OPRD1: variants seen among roughly 807,000 people sequenced by gnomAD.
OPRD1 encodes the protein delta-type opioid receptor.
Under a neutral mutation model 17.5 loss-of-function variants are expected in OPRD1, and 19 were observed. That is an observed-to-expected ratio of 1.09 (90% CI 0.76 to 1.60). OPRD1 has a LOEUF of 1.60. OPRD1 is among the 40% of genes most tolerant of loss of function. The pLI is 0.00. For missense variants in OPRD1, 483 were observed against 547.2 expected (o/e 0.88, Z 1.17); for synonymous variants, 256 against 240.9 (o/e 1.06, Z -0.58).
chr1:28,859,235 T>C lies in OPRD1; in HGVS notation c.509T>C (p.Ile170Thr). Reference sequence around the variant, plus strand: ...CCTGCCAAGGCCAAGCTGATCAACATCTGTATCTGGGTCCTGGCCTCAGGC... The same window carrying C: ...CCTGCCAAGGCCAAGCTGATCAACACCTGTATCTGGGTCCTGGCCTCAGGC... ...RTPAKAKLIN[I>T]CIWVLASGVG... Residue 170 changes from isoleucine to threonine, a missense_variant, in exon 2 of 3, where the codon ATC becomes ACC. Physicochemically the swap from Ile to Thr is moderately conservative, Grantham distance 89 (BLOSUM62 -1). Coordinates refer to ENST00000234961, the MANE Select transcript of OPRD1 (RefSeq NM_000911.4). 6.2e-7 allele frequency: 1 copy of C among 1,614,218 alleles called. No homozygotes were observed. Among genetic ancestry groups the C allele is most frequent in the Non-Finnish European group, 8.5e-7 (1 of 1,180,040 alleles).
intron 1 of OPRD1, among the ~76,000 whole-genome samples, chr1:28,814,856 G>A (rs1178434190): frequency 2.0e-5 from 3 of 152,146 alleles, no homozygotes; most frequent in Non-Finnish European, 2.9e-5. Context: ...TTGTATCTCT[G>A]GGTCTGAATG....
Position 28,863,750 on chromosome 1 carries a change from A to T in OPRD1, c.*467A>T, listed in dbSNP as rs2089148104. 6.3e-6 allele frequency: 1 copy of T among 157,984 alleles called. No individual in the cohort carries two copies. Among genetic ancestry groups the T allele is most frequent in the Admixed American group, 6.5e-5 (1 of 15,468 alleles). The allele number at this position is 157,984 out of a possible 1,614,324, so 9.8% of individuals were successfully genotyped here. A position where few individuals can be genotyped will look rare whatever the true frequency, so the allele number is the denominator to read the frequency against. On this transcript the variant is annotated 3_prime_UTR_variant, in exon 3 of 3. Transcript: ENST00000234961. Reference sequence around the variant, plus strand: ...AGTTGCTTGAAAACTGAGCTGCAAGACTGGGCCTCTGTGTAGTAGGGAGGA... The same window carrying T: ...AGTTGCTTGAAAACTGAGCTGCAAGTCTGGGCCTCTGTGTAGTAGGGAGGA...
At chr1:28,846,691 A>G (rs1462291958) in intron 1 of OPRD1, among the ~76,000 whole-genome samples, 1 of 45,994 alleles carries the variant, frequency 2.2e-5, no homozygotes, top group East Asian at 1.2e-3. Context: ...TCAAAAAAAG[A>G]AAAAAAAAAA....
intron 2 of OPRD1, 94 bp downstream of exon 2, chr1:28,859,397 G>A: frequency 9.3e-7 from 1 of 1,071,686 alleles, no homozygotes; most frequent in Non-Finnish European, 1.3e-6. Context: ...CAGGGTGAGT[G>A]TAGGTGGCTC....
intron 1 of OPRD1, among the ~76,000 whole-genome samples, chr1:28,836,016 A>G (rs895877163): frequency 3.3e-5 from 5 of 152,154 alleles, no homozygotes; most frequent in African/African-American, 1.2e-4. Flanking sequence ...GCGCTCGTAA[A>G]CGCTCTACCC....
intron 1 of OPRD1, among the ~76,000 whole-genome samples, chr1:28,856,052 C>G (rs1168828552): frequency 6.6e-6 from 1 of 152,172 alleles, no homozygotes; most frequent in Non-Finnish European, 1.5e-5. Flanking sequence ...GTGCCTCGTC[C>G]TAGGTGTCCA....
At chr1:28,847,423 T>C (rs1256656387) in intron 1 of OPRD1, among the ~76,000 whole-genome samples, 1 of 152,132 alleles carries the variant, frequency 6.6e-6, no homozygotes, top group East Asian at 1.9e-4. Context: ...CAGCCCAAAT[T>C]GACATGAGTG....
chr1:28,819,267 A>AAG (rs2088693291), intron 1 of OPRD1, among the ~76,000 whole-genome samples: 1 of 151,712 alleles, frequency 6.6e-6, no homozygotes, highest in Non-Finnish European at 1.5e-5. Context: ...ACTGGACAAC[A>AAG]TAGCAAGACC....
intron 1 of OPRD1, among the ~76,000 whole-genome samples, chr1:28,855,717 C>T (rs1387165701): frequency 6.6e-6 from 1 of 152,228 alleles, no homozygotes; most frequent in Non-Finnish European, 1.5e-5. Flanking sequence ...ATCAAAATAG[C>T]AGGCAAAGAA....
At chr1:28,862,679 T>TG (rs1257943238) in intron 2 of OPRD1, 63 bp from the exon 3 acceptor site, 1 of 1,498,054 alleles carries the variant, frequency 6.7e-7, no homozygotes, top group Admixed American at 2.2e-5. Context: ...GGCAAGCAGG[T>TG]GGGGGCCCCT....
intron 1 of OPRD1, among the ~76,000 whole-genome samples, chr1:28,846,928 TCTTC>T (rs58708543): frequency 4.2e-4 from 62 of 148,630 alleles, no homozygotes; most frequent in East Asian, 9.8e-4. Context: ...TCTTTCTTTT[TCTTC>T]CTTCCTTCCT....
intron 1 of OPRD1, among the ~76,000 whole-genome samples, chr1:28,841,979 C>T (rs2088900187): frequency 6.6e-6 from 1 of 151,818 alleles, no homozygotes. Context: ...CCACCTCAGC[C>T]TCCCAAAGTG....
rs1363308685 is a variant in OPRD1 at position 28,870,673 on chromosome 1, C to T, written c.*7390C>T. 3.3e-5 allele frequency: 5 copies of T among 152,242 alleles called. No homozygotes were observed. Among genetic ancestry groups the T allele is most frequent in the African/African-American group, 9.7e-5 (4 of 41,442 alleles). The allele number at this position is 152,242 out of a possible 1,614,324, so 9.4% of individuals were successfully genotyped here. A position where few individuals can be genotyped will look rare whatever the true frequency, so the allele number is the denominator to read the frequency against. The stretch of plus-strand genomic sequence containing the variant: ...TCTTAAGAGGACATCTTTTCCCAAG[C>T]TCCTTAGCCTTAGCTGTCCTCTCCT... On this transcript the variant is annotated 3_prime_UTR_variant, in exon 3 of 3. Coordinates refer to ENST00000234961, the MANE Select transcript of OPRD1 (RefSeq NM_000911.4).
chr1:28,838,772 A>T (rs2088873561), intron 1 of OPRD1, among the ~76,000 whole-genome samples: 1 of 152,214 alleles, frequency 6.6e-6, no homozygotes, highest in Non-Finnish European at 1.5e-5. Context: ...ACCAGTTCAC[A>T]GAGGAGTAAA....
chr1:28,852,464 C>T (rs919412543), intron 1 of OPRD1, among the ~76,000 whole-genome samples: 4 of 152,042 alleles, frequency 2.6e-5, no homozygotes, highest in Admixed American at 6.6e-5. Flanking sequence ...TCTACAAAGT[C>T]GTAAGAATGT....
At chr1:28,835,960 A>G (rs1426242815) in intron 1 of OPRD1, among the ~76,000 whole-genome samples, 1 of 152,176 alleles carries the variant, frequency 6.6e-6, no homozygotes, top group Non-Finnish European at 1.5e-5. Context: ...TCAGTGGGTT[A>G]TGGAGCACAT....
chr1:28,851,847 C>T (rs531112210), intron 1 of OPRD1, among the ~76,000 whole-genome samples: 19 of 125,872 alleles, frequency 1.5e-4, no homozygotes, highest in African/African-American at 5.8e-4. Flanking sequence ...GAGAGAGAAA[C>T]TCCGTCTCAA....
At chr1:28,826,965 A>C (rs1188344211) in intron 1 of OPRD1, among the ~76,000 whole-genome samples, 3 of 152,228 alleles carry the variant, frequency 2.0e-5, no homozygotes, top group Non-Finnish European at 4.4e-5. Flanking sequence ...AACAAAGTTC[A>C]CAGATCTTCT....
In OPRD1 at chr1:28,859,020, C is replaced by T. The variant is rs773153943; in HGVS notation, c.294C>T (p.Ala98=). 4 of 1,614,116 alleles carry T rather than the reference C, an allele frequency of 2.5e-6. No individual in the cohort carries two copies. In the South Asian group the frequency reaches 4.4e-5, roughly 18 times the overall value. ...ACCTGGCCTTAGCCGATGCGCTGGCCACCAGCACGCTGCCTTTCCAGAGTG... is the reference window on the plus strand; with the variant it reads ...ACCTGGCCTTAGCCGATGCGCTGGCTACCAGCACGCTGCCTTTCCAGAGTG... ...IFNLALADAL[A]TSTLPFQSAK... is the part of the protein sequence containing the mutation. Residue 98 remains alanine (A), a synonymous_variant, in exon 2 of 3, where the codon GCC becomes GCT. Coordinates refer to ENST00000234961, the MANE Select transcript of OPRD1 (RefSeq NM_000911.4).
Sources: allele counts gnomAD v4.1 joint callset (sites outside exome capture counted in the v4.1 genomes callset), GRCh38; gene constraint gnomAD v4.1.1; transcripts MANE v1.5; gene names NCBI Gene and HGNC (gene_info 2026-07-23, HGNC 2026-07-21).